The following PLCB1 variants were observed in gnomAD, a reference collection of about 807,000 sequenced individuals.
The protein encoded by PLCB1 is phospholipase C beta 1, also known as 1-phosphatidylinositol 4,5-bisphosphate phosphodiesterase beta-1.
PLCB1 carries 46 observed loss-of-function variants against 161.8 expected under a neutral mutation model. The observed-to-expected ratio is 0.28, with a 90% confidence interval of 0.22 to 0.36. The LOEUF is 0.36. PLCB1 is among the 10% of genes least tolerant of loss of function. The pLI is 1.00. For missense variants in PLCB1, 1,016 were observed against 1,472.5 expected, an observed-to-expected ratio of 0.69 and a Z score of 5.07; for synonymous variants, 517 against 503.7, an observed-to-expected ratio of 1.03 and a Z score of -0.35.
chr20:8,243,158 C>T (rs2123208076), intron 2 of PLCB1, among the ~76,000 whole-genome samples: 1 of 151,990 alleles, frequency 6.6e-6, no homozygotes, highest in South Asian at 2.1e-4. Context: ...TTGGTGTTTG[C>T]TGGAGCACAG....
chr20:8,382,508 C>T (rs546438003), intron 3 of PLCB1, among the ~76,000 whole-genome samples: 1 of 149,452 alleles, frequency 6.7e-6, no homozygotes, highest in East Asian at 2.0e-4. Flanking sequence ...TGGTCTCGAT[C>T]TCCTGACCTC....
intron 3 of PLCB1, among the ~76,000 whole-genome samples, chr20:8,513,990 C>T (rs1003545265): frequency 2.3e-4 from 35 of 151,886 alleles, no homozygotes; most frequent in Non-Finnish European, 4.3e-4. Context: ...CATGCCACCC[C>T]ATTCCAGCCT....
intron 1 of PLCB1, among the ~76,000 whole-genome samples, chr20:8,136,294 G>C (rs2051346303): frequency 6.6e-6 from 1 of 152,098 alleles, no homozygotes; most frequent in Non-Finnish European, 1.5e-5. Context: ...TTTGTATAAA[G>C]CCTGACATAC....
At chr20:8,590,532 A>T (rs1054394477) in intron 3 of PLCB1, among the ~76,000 whole-genome samples, 3 of 152,066 alleles carry the variant, frequency 2.0e-5, no homozygotes, top group Admixed American at 2.0e-4. Context: ...AACAACACAC[A>T]TTTATTATTT....
chr20:8,386,920 T>A (rs115167915), intron 3 of PLCB1, among the ~76,000 whole-genome samples: 2,137 of 152,348 alleles, frequency 0.014, 58 homozygotes, highest in South Asian at 0.082. Context: ...GCTAGCTTCA[T>A]ACTTTTCTTT....
chr20:8,760,552 A>C, intron 25 of PLCB1, 92 bp downstream of exon 25: 1 of 776,854 alleles, frequency 1.3e-6, no homozygotes, highest in Non-Finnish European at 2.2e-6. Context: ...TTCATATCTG[A>C]AAAACAACAT....
intron 3 of PLCB1, among the ~76,000 whole-genome samples, chr20:8,578,502 G>A (rs1986742676): frequency 6.6e-6 from 1 of 152,198 alleles, no homozygotes; most frequent in Non-Finnish European, 1.5e-5. Flanking sequence ...AAGTTGTGAT[G>A]GAGAACACAT....
At chr20:8,459,799 A>G (rs1159587753) in intron 3 of PLCB1, among the ~76,000 whole-genome samples, 1 of 152,220 alleles carries the variant, frequency 6.6e-6, no homozygotes, top group East Asian at 1.9e-4. Flanking sequence ...TGCATGGTAC[A>G]ACCTTCGGAG....
At chr20:8,263,705 G>T (rs765584747) in intron 2 of PLCB1, among the ~76,000 whole-genome samples, 15 of 152,110 alleles carry the variant, frequency 9.9e-5, no homozygotes, top group Non-Finnish European at 4.4e-5. Context: ...TAACATAATG[G>T]TAAGTATTCA....
chr20:8,417,986 T>A (rs535007228), intron 3 of PLCB1, among the ~76,000 whole-genome samples: 2 of 152,364 alleles, frequency 1.3e-5, no homozygotes, highest in Admixed American at 1.3e-4. Flanking sequence ...GTCCTTTACC[T>A]CTGGCTGGAT....
intron 2 of PLCB1, among the ~76,000 whole-genome samples, chr20:8,332,685 A>G (rs1431523965): frequency 6.6e-6 from 1 of 152,238 alleles, no homozygotes; most frequent in Admixed American, 6.5e-5. Context: ...GACAGTGCTT[A>G]TAACTGCTAC....
At chr20:8,801,211 T>C (rs550466848) in intron 31 of PLCB1, among the ~76,000 whole-genome samples, 104 of 152,276 alleles carry the variant, frequency 6.8e-4, no homozygotes, top group African/African-American at 2.4e-3. Flanking sequence ...CCTTGAGCCA[T>C]TGTTTCCTCA....
At chr20:8,797,554 T>A (rs1984089967) in intron 31 of PLCB1, among the ~76,000 whole-genome samples, 1 of 152,250 alleles carries the variant, frequency 6.6e-6, no homozygotes, top group African/African-American at 2.4e-5. Context: ...AATGCACCAA[T>A]TTTTTGTTTA....
At chr20:8,150,673 C>T (rs149949407) in intron 2 of PLCB1, among the ~76,000 whole-genome samples, 6 of 152,030 alleles carry the variant, frequency 3.9e-5, no homozygotes, top group Non-Finnish European at 5.9e-5. Context: ...AATTAGTCAG[C>T]GTTACTGATT....
At chr20:8,433,594 TA>T (rs888452803) in intron 3 of PLCB1, among the ~76,000 whole-genome samples, 1 of 147,196 alleles carries the variant, frequency 6.8e-6, no homozygotes, top group Non-Finnish European at 1.5e-5. Context: ...GTAATAAAAG[TA>T]ACTGCCTCAT....
intron 2 of PLCB1, among the ~76,000 whole-genome samples, chr20:8,306,804 G>A (rs1007191806): frequency 6.6e-6 from 1 of 152,102 alleles, no homozygotes; most frequent in African/African-American, 2.4e-5. Flanking sequence ...ACTTGGAGGC[G>A]GTGACTCTTT....
intron 2 of PLCB1, among the ~76,000 whole-genome samples, chr20:8,240,154 G>GA (rs888293459): frequency 5.3e-4 from 79 of 150,058 alleles, no homozygotes; most frequent in African/African-American, 3.9e-4. Flanking sequence ...TTTTTTTCAT[G>GA]AAAAAAAACA....
rs140214122 is a variant in PLCB1, at chr20:8,155,868, G to GA, written c.177+5504dup. Among the ~76,000 whole-genome samples, 1,156 of 152,176 alleles carry GA rather than the reference G, an allele frequency of 7.6e-3. 18 individuals carry two copies. The highest frequency in any genetic ancestry group is 0.026 in the African/African-American group (1,070 of 41,516). On this transcript the variant is annotated intron_variant, in intron 2 of 31. Coordinates refer to ENST00000338037, the MANE Select transcript of PLCB1 (RefSeq NM_015192.4). ...TGAAACAATAACTTACATTATCTGG[G>GA]AAAAAAACCAGCAAAATTCACGTGA...
At chr20:8,206,941 T>A (rs1483422259) in intron 2 of PLCB1, among the ~76,000 whole-genome samples, 1 of 152,020 alleles carries the variant, frequency 6.6e-6, no homozygotes, top group East Asian at 1.9e-4. Context: ...AATGCAACAA[T>A]ATGGAAATAT....
Sources: allele counts gnomAD v4.1 joint callset (sites outside exome capture counted in the v4.1 genomes callset), GRCh38; gene constraint gnomAD v4.1.1; transcripts MANE v1.5; gene names NCBI Gene and HGNC (gene_info 2026-07-23, HGNC 2026-07-21).